The following SORCS3 variants were observed in gnomAD, a reference collection of about 807,000 sequenced individuals.
SORCS3 encodes the protein VPS10 domain-containing receptor SorCS3.
In SORCS3, 57 loss-of-function variants were observed where a neutral mutation model predicts 146.3. That is an observed-to-expected ratio of 0.39 (90% CI 0.31 to 0.49). The LOEUF (loss-of-function observed/expected upper bound fraction) is 0.49, where lower values mean the gene tolerates loss of function less well. SORCS3 is among the 20% of genes least tolerant of loss of function. SORCS3 has a pLI of 0.92. For missense variants in SORCS3, 1,341 were observed against 1,575.5 expected (o/e 0.85, Z 2.52); for synonymous variants, 653 against 618.5 (o/e 1.06, Z -0.83).
At chr10:104,861,615 G>A (rs1403846235) in intron 2 of SORCS3, among the ~76,000 whole-genome samples, 3 of 152,160 alleles carry the variant, frequency 2.0e-5, no homozygotes, top group African/African-American at 4.8e-5. Context: ...TACTTCTTTG[G>A]TGCTTGCCCC....
intron 1 of SORCS3, among the ~76,000 whole-genome samples, chr10:104,681,103 C>T (rs551791037): frequency 2.2e-4 from 33 of 152,340 alleles, no homozygotes; most frequent in African/African-American, 7.7e-4. Flanking sequence ...TGCCGGTCTC[C>T]CTGCTTTCCC....
At chr10:104,664,316 C>A (rs1365006052) in intron 1 of SORCS3, among the ~76,000 whole-genome samples, 1 of 152,114 alleles carries the variant, frequency 6.6e-6, no homozygotes, top group East Asian at 1.9e-4. Context: ...AAATATCAAC[C>A]CAGGAGGGCA....
At chr10:104,771,172 G>T (rs1589493080) in intron 1 of SORCS3, among the ~76,000 whole-genome samples, 1 of 152,310 alleles carries the variant, frequency 6.6e-6, no homozygotes, top group East Asian at 1.9e-4. Flanking sequence ...CTGGGAGCTT[G>T]TTGGAAAGGC....
At chr10:104,748,893 C>G (rs1325918777) in intron 1 of SORCS3, among the ~76,000 whole-genome samples, 1 of 152,100 alleles carries the variant, frequency 6.6e-6, no homozygotes. Context: ...CCTTCCGGGT[C>G]TCTACCAATA....
intron 1 of SORCS3, among the ~76,000 whole-genome samples, chr10:104,646,875 C>CAAG (rs2015501614): frequency 6.6e-6 from 1 of 152,048 alleles, no homozygotes; most frequent in Non-Finnish European, 1.5e-5. Context: ...GTTTATTCTC[C>CAAG]TGGTGTTGTG....
chr10:104,865,906 T>C (rs1185728927), intron 2 of SORCS3, among the ~76,000 whole-genome samples: 1 of 152,252 alleles, frequency 6.6e-6, no homozygotes, highest in East Asian at 1.9e-4. Flanking sequence ...TGCAGTACTC[T>C]GTCCTTGGTG....
At position 105,147,595 on chromosome 10, in the gene SORCS3, C is replaced by A; in HGVS notation, c.1303-22C>A. The A allele has an allele frequency of 3.8e-6, 6 of 1,592,640 alleles. No homozygotes were observed. In the South Asian group the frequency reaches 4.5e-5, roughly 12 times the overall value. On this transcript the variant is annotated intron_variant, in intron 8 of 26. Coordinates refer to ENST00000369701, the MANE Select transcript of SORCS3 (RefSeq NM_014978.3). ...AGAGATATGGAGATCTGCTGCCTTA[C>A]AAGCCTTCCATCTTCTTTCAGGACA...
intron 6 of SORCS3, among the ~76,000 whole-genome samples, chr10:105,101,110 A>G (rs954876262): frequency 1.3e-5 from 2 of 152,254 alleles, no homozygotes; most frequent in Non-Finnish European, 2.9e-5. Context: ...AAAACAAATA[A>G]GAAGGCCACA....
chr10:104,874,613 T>C (rs1013406720), intron 2 of SORCS3, among the ~76,000 whole-genome samples: 2 of 152,152 alleles, frequency 1.3e-5, no homozygotes, highest in Admixed American at 6.6e-5. Flanking sequence ...ACCTTATATG[T>C]AATTGGGATG....
intron 1 of SORCS3, among the ~76,000 whole-genome samples, chr10:104,716,304 A>T (rs2016478194): frequency 2.0e-5 from 3 of 152,174 alleles, no homozygotes; most frequent in South Asian, 4.1e-4. Context: ...ATCTACACGG[A>T]AGGTCCTCAG....
intron 1 of SORCS3, among the ~76,000 whole-genome samples, chr10:104,695,519 A>C (rs1421889741): frequency 6.6e-6 from 1 of 151,974 alleles, no homozygotes; most frequent in African/African-American, 2.4e-5. Flanking sequence ...GGATAAGTTA[A>C]AAAAATGAAA....
intron 3 of SORCS3, 85 bp from the exon 4 acceptor site, chr10:104,977,250 C>G: frequency 8.7e-7 from 1 of 1,147,134 alleles, no homozygotes; most frequent in South Asian, 1.8e-5. Context: ...TGTACAAATA[C>G]AGATGACTTA....
chr10:105,236,278 A>G (rs899781815), intron 20 of SORCS3, among the ~76,000 whole-genome samples: 2 of 152,128 alleles, frequency 1.3e-5, no homozygotes, highest in African/African-American at 4.8e-5. Context: ...AACTGGGTCT[A>G]CTAATTCCCA....
chr10:105,217,197 T>A, intron 19 of SORCS3, 75 bp downstream of exon 19: 1 of 1,489,234 alleles, frequency 6.7e-7, no homozygotes, highest in Non-Finnish European at 9.3e-7. Flanking sequence ...TTCCTAAAAT[T>A]CAGAGCTGAG....
intron 1 of SORCS3, among the ~76,000 whole-genome samples, chr10:104,680,393 C>A (rs2015956793): frequency 6.6e-6 from 1 of 152,228 alleles, no homozygotes; most frequent in Admixed American, 6.5e-5. Context: ...GCCTTCAGTG[C>A]ATCTTTTCTC....
chr10:105,037,611 CCT>C (rs2055314977), intron 4 of SORCS3, among the ~76,000 whole-genome samples: 1 of 152,094 alleles, frequency 6.6e-6, no homozygotes, highest in Non-Finnish European at 1.5e-5. Context: ...CGTAGGATTC[CCT>C]GTCTGCCTGT....
chr10:105,236,837 G>A (rs536801649), intron 20 of SORCS3, among the ~76,000 whole-genome samples: 1 of 152,006 alleles, frequency 6.6e-6, no homozygotes, highest in Non-Finnish European at 1.5e-5. Flanking sequence ...TCTAAAGCAA[G>A]GATACTATAA....
At chr10:104,753,594 T>C (rs2133470706) in intron 1 of SORCS3, among the ~76,000 whole-genome samples, 1 of 152,360 alleles carries the variant, frequency 6.6e-6, no homozygotes, top group Admixed American at 6.5e-5. Context: ...TGATTAACTT[T>C]GATAATAGAA....
At chr10:104,874,506 T>C (rs546490475) in intron 2 of SORCS3, among the ~76,000 whole-genome samples, 2 of 152,310 alleles carry the variant, frequency 1.3e-5, no homozygotes, top group South Asian at 4.1e-4. Context: ...GTTTGTATAC[T>C]GACTAGTTCA....
Sources: allele counts gnomAD v4.1 joint callset (sites outside exome capture counted in the v4.1 genomes callset), GRCh38; gene constraint gnomAD v4.1.1; transcripts MANE v1.5; gene names NCBI Gene and HGNC (gene_info 2026-07-23, HGNC 2026-07-21).